UMOD: variants seen among roughly 807,000 people sequenced by gnomAD.
The protein encoded by UMOD is Tamm-Horsfall urinary glycoprotein.
A neutral mutation model predicts 66.0 loss-of-function variants in UMOD; 64 were observed. That is an observed-to-expected ratio of 0.97 (90% CI 0.79 to 1.19). The LOEUF (loss-of-function observed/expected upper bound fraction) is 1.19, where lower values mean the gene tolerates loss of function less well. UMOD is among the 50% of genes most tolerant of loss of function. The probability of loss-of-function intolerance (pLI) is 0.00; values close to 1 mark genes in which losing one functional copy is unlikely to be tolerated. For missense variants in UMOD, 764 were observed against 850.9 expected (o/e 0.90, Z 1.27); for synonymous variants, 398 against 352.7 (o/e 1.13, Z -1.44).
chr16:20,353,431 C>T (rs1011825909), upstream of UMOD, among the ~76,000 whole-genome samples: 4 of 152,180 alleles, frequency 2.6e-5, no homozygotes, highest in African/African-American at 9.7e-5. Flanking sequence ...ATTTCTTAAC[C>T]TTCCTGAGGT....
rs1447458978 is a variant in UMOD, at chr16:20,348,594, G to A, written c.707C>T (p.Pro236Leu). The A allele has an allele frequency of 6.3e-7, 1 of 1,591,416 alleles. No individual in the cohort carries two copies. Among genetic ancestry groups the A allele is most frequent in the Non-Finnish European group, 8.5e-7 (1 of 1,173,948 alleles). The change falls in exon 3 of 11, where the codon CCG becomes CTG. Residue 236 changes from proline (P) to leucine (L), a missense_variant. Pro to Leu is a moderately conservative substitution (Grantham distance 98, BLOSUM62 -3). Coordinates refer to ENST00000396138, the MANE Select transcript of UMOD (RefSeq NM_003361.4). ...AAPMWLNGTH[P>L]SSDEGIVSRK... Reference sequence around the variant, plus strand: ...GCTCACGATGCCCTCGTCGCTGGACGGATGCGTGCCATTGAGCCACATGGG... The same window carrying A: ...GCTCACGATGCCCTCGTCGCTGGACAGATGCGTGCCATTGAGCCACATGGG...
chr16:20,336,584 C>T (rs1275574021), intron 9 of UMOD, 62 bp downstream of exon 9: 4 of 1,518,598 alleles, frequency 2.6e-6, no homozygotes, highest in Non-Finnish European at 3.7e-6. Flanking sequence ...GCTCTGTTAT[C>T]CCTCTTCCTC....
intron 1 of UMOD, among the ~76,000 whole-genome samples, chr16:20,351,925 G>GT (rs1965913904): frequency 6.6e-6 from 1 of 151,498 alleles, no homozygotes. Flanking sequence ...GGCTGAGACA[G>GT]GAGGATTGCT....
chr16:20,344,427 A>G (rs1285422340), intron 5 of UMOD, among the ~76,000 whole-genome samples: 1 of 151,760 alleles, frequency 6.6e-6, no homozygotes, highest in Non-Finnish European at 1.5e-5. Context: ...ATATGGTGAA[A>G]CCCTGTCTCT....
In UMOD at chr16:20,350,677, T is replaced by A. The variant is rs372294954; in HGVS notation, c.61A>T (p.Thr21Ser). 6.2e-7 allele frequency: 1 copy of A among 1,614,172 alleles called. No individual in the cohort carries two copies. Among genetic ancestry groups the A allele is most frequent in the Non-Finnish European group, 8.5e-7 (1 of 1,180,038 alleles). Residue 21 changes from threonine (T) to serine (S), a missense_variant, in exon 2 of 11, where the codon ACT becomes TCT. Thr to Ser is a moderately conservative substitution (Grantham distance 58). Transcript: ENST00000396138. ...MVVVASWFITTAATDTSEARW... is the reference protein window; with the variant it reads ...MVVVASWFITSAATDTSEARW... ...GCTTCTGAGGTGTCAGTGGCTGCAG[T>A]TGTGATGAACCAAGAGGCCACCACC...
chr16:20,334,623 A>G (rs1025618245), intron 10 of UMOD, among the ~76,000 whole-genome samples: 1 of 152,208 alleles, frequency 6.6e-6, no homozygotes, highest in African/African-American at 2.4e-5. Flanking sequence ...GTATGTGTGC[A>G]TGTGTACAGC....
chr16:20,349,770 C>CCAG, intron 2 of UMOD: 1 of 1,548,762 alleles, frequency 6.5e-7, no homozygotes, highest in South Asian at 1.2e-5. Context: ...ATGTTTTCTG[C>CCAG]TTCCCTGGCT....
intron 5 of UMOD, among the ~76,000 whole-genome samples, chr16:20,345,729 T>C: frequency 6.6e-6 from 1 of 152,012 alleles, no homozygotes; most frequent in Non-Finnish European, 1.5e-5. Flanking sequence ...ACATTAAGGA[T>C]ACAGACCTTG....
intron 9 of UMOD, among the ~76,000 whole-genome samples, chr16:20,336,131 G>A (rs1215039040): frequency 6.6e-6 from 1 of 152,170 alleles, no homozygotes; most frequent in Non-Finnish European, 1.5e-5. Context: ...ACAAGATTCT[G>A]ACCCTTCCTA....
At chr16:20,338,937 T>G (rs1965033592) in intron 7 of UMOD, among the ~76,000 whole-genome samples, 1 of 152,242 alleles carries the variant, frequency 6.6e-6, no homozygotes, top group East Asian at 1.9e-4. Context: ...TTTTTTTGTA[T>G]TTTTAGTAGA....
Position 20,348,991 on chromosome 16 carries a change from G to C in UMOD, c.310C>G (p.Leu104Val). The stretch of plus-strand genomic sequence containing the variant: ...CACTCATCCACGTCTGTGCAGCCGA[G>C]ACCGGGCGACAGGCGGAAGCCTTCG... ...CPEGFRLSPG[L>V]GCTDVDECAE... The change falls in exon 3 of 11, where the codon CTC (leucine) becomes GTC (valine). Residue 104 changes from leucine to valine, a missense_variant. Leu to Val is a conservative substitution (Grantham distance 32, BLOSUM62 1). Coordinates refer to ENST00000396138, the MANE Select transcript of UMOD (RefSeq NM_003361.4). The C allele has an allele frequency of 6.3e-7, 1 of 1,576,780 alleles. No homozygotes were observed. The highest frequency in any genetic ancestry group is 1.8e-5 in the Admixed American group (1 of 54,270).
In UMOD at chr16:20,346,182, C is replaced by T; in HGVS notation, c.1126G>A (p.Asp376Asn). Reference sequence around the variant, plus strand: ...GCTGGGGTCACTACAGACACCCAGTCCCGGTTGTCTCTGTCATTGAAGCCC... The same window carrying T: ...GCTGGGGTCACTACAGACACCCAGTTCCGGTTGTCTCTGTCATTGAAGCCC... ...CSGFNDRDNR[D>N]WVSVVTPARD... is the part of the protein sequence containing the mutation. Residue 376 changes from aspartate (D) to asparagine (N), a missense_variant, in exon 5 of 11, where the codon GAC becomes AAC. Coordinates refer to ENST00000396138, the MANE Select transcript of UMOD (RefSeq NM_003361.4). 3 of 1,614,226 alleles carry T rather than the reference C, an allele frequency of 1.9e-6. No individual in the cohort carries two copies. The highest frequency in any genetic ancestry group is 2.2e-5 in the East Asian group (1 of 44,882).
chr16:20,355,400 TTTC>T (rs201810791), upstream of UMOD, among the ~76,000 whole-genome samples: 35 of 149,566 alleles, frequency 2.3e-4, no homozygotes, highest in Middle Eastern at 6.9e-3. Flanking sequence ...TTTCTTTCTT[TTTC>T]TTCTTCTTTT....
intron 2 of UMOD, among the ~76,000 whole-genome samples, chr16:20,350,044 G>T (rs374477878): frequency 6.6e-6 from 1 of 152,228 alleles, no homozygotes; most frequent in African/African-American, 2.4e-5. Context: ...GGAGACTGAG[G>T]TTCAGAGGGA....
Position 20,348,752 on chromosome 16 carries a change from G to A in UMOD, c.549C>T (p.Tyr183=). 1 of 1,544,406 alleles carries A rather than the reference G, an allele frequency of 6.5e-7. No individual in the cohort carries two copies. The highest frequency in any genetic ancestry group is 1.2e-5 in the South Asian group (1 of 84,006). The change falls in exon 3 of 11, where the codon TAC becomes TAT. Residue 183 remains tyrosine (Y), a synonymous_variant. Coordinates refer to ENST00000396138, the MANE Select transcript of UMOD (RefSeq NM_003361.4). ...PCQAHRTLDE[Y]WRSTEYGEGY... ...CCTCCCCGTACTCGGTGCTGCGCCA[G>A]TACTCGTCCAGGGTGCGGTGCGCCT... is the stretch of plus-strand genomic sequence containing the variant.
intron 4 of UMOD, among the ~76,000 whole-genome samples, chr16:20,347,463 T>C (rs1298840215): frequency 1.3e-5 from 2 of 152,228 alleles, no homozygotes; most frequent in Non-Finnish European, 2.9e-5. Context: ...TTAAAATTTG[T>C]TTTATGGAAG....
At chr16:20,337,639 C>G (rs1474021184) in intron 7 of UMOD, among the ~76,000 whole-genome samples, 186 bp from the exon 8 acceptor site, 1 of 152,158 alleles carries the variant, frequency 6.6e-6, no homozygotes, top group Non-Finnish European at 1.5e-5. Flanking sequence ...GATAAGATAG[C>G]TGTAAGGATT....
intron 2 of UMOD, chr16:20,349,900 A>AT: frequency 6.6e-7 from 1 of 1,519,108 alleles, no homozygotes. Context: ...TTAAAAAAAA[A>AT]AAGAAGCTGT....
upstream of UMOD, among the ~76,000 whole-genome samples, chr16:20,355,133 C>G (rs1388933334): frequency 6.6e-6 from 1 of 152,132 alleles, no homozygotes; most frequent in Non-Finnish European, 1.5e-5. Flanking sequence ...TGGTACTTCC[C>G]AGCAGCTCTT....
Sources: gnomAD v4.1 joint callset for allele counts (sites outside exome capture counted in the v4.1 genomes callset) on GRCh38, gnomAD v4.1.1 for gene constraint, MANE v1.5 for transcripts, NCBI Gene and HGNC (gene_info 2026-07-23, HGNC 2026-07-21) for gene names.